Variants in HMGA2 observed in about 807,000 individuals in gnomAD.
The protein encoded by HMGA2 is high mobility group AT-hook 2, also known as high mobility group protein HMGI-C.
HMGA2 carries 8 observed loss-of-function variants against 19.1 expected under a neutral mutation model. The observed-to-expected ratio is 0.42, with a 90% CI of 0.25 to 0.76. HMGA2 has a LOEUF of 0.76. Among genes scored for constraint, HMGA2 ranks in the 30% least tolerant of loss-of-function variants. The pLI is 0.28. For missense variants in HMGA2, 109 were observed against 136.3 expected, an observed-to-expected ratio of 0.80 and a Z score of 1.00; for synonymous variants, 60 against 48.8, an observed-to-expected ratio of 1.23 and a Z score of -0.96.
At chr12:65,931,210 A>T (rs1875697398) in intron 3 of HMGA2, among the ~76,000 whole-genome samples, 1 of 152,114 alleles carries the variant, frequency 6.6e-6, no homozygotes, top group Admixed American at 6.6e-5. Flanking sequence ...TAACCCACAT[A>T]TTTCATGAAA....
intron 3 of HMGA2, chr12:65,881,233 C>T: frequency 6.3e-6 from 1 of 159,002 alleles, no homozygotes; most frequent in South Asian, 1.8e-4. Flanking sequence ...CATCTGTGCC[C>T]CTACCTCAGC....
intron 3 of HMGA2, among the ~76,000 whole-genome samples, chr12:65,868,463 G>GC (rs1872547634): frequency 6.6e-6 from 1 of 152,072 alleles, no homozygotes; most frequent in East Asian, 1.9e-4. Context: ...TCGTGGAGGA[G>GC]TCAGATTACT....
At chr12:65,963,189 G>C in intron 4 of HMGA2, 56 bp from the exon 5 acceptor site, 2 of 1,544,088 alleles carry the variant, frequency 1.3e-6, no homozygotes, top group Non-Finnish European at 1.8e-6. Flanking sequence ...GTTGGCAAGA[G>C]CAGCCCACAC....
At chr12:65,842,561 A>C (rs1051468351) in intron 3 of HMGA2, 1 of 1,469,918 alleles carries the variant, frequency 6.8e-7, no homozygotes, top group African/African-American at 1.4e-5. Flanking sequence ...AATAATACTA[A>C]AGAACATTTT....
chr12:65,946,703 A>G (rs1158333841), intron 3 of HMGA2, among the ~76,000 whole-genome samples: 2 of 152,244 alleles, frequency 1.3e-5, no homozygotes, highest in African/African-American at 4.8e-5. Flanking sequence ...TATTCTTAGG[A>G]GGGCTGAGGA....
At chr12:65,827,977 C>T (rs777284738) in intron 1 of HMGA2, 24 bp from the exon 2 acceptor site, 2 of 1,504,526 alleles carry the variant, frequency 1.3e-6, no homozygotes, top group Non-Finnish European at 1.9e-6. Context: ...GCCACAACAG[C>T]ATTTTTTTTT....
intron 3 of HMGA2, among the ~76,000 whole-genome samples, chr12:65,878,107 A>G (rs539727031): frequency 1.1e-4 from 17 of 152,210 alleles, no homozygotes; most frequent in Non-Finnish European, 2.5e-4. Flanking sequence ...GTAATAATAA[A>G]TCATTTTACC....
At chr12:65,884,105 A>T (rs1329338774) in intron 3 of HMGA2, among the ~76,000 whole-genome samples, 2 of 152,164 alleles carry the variant, frequency 1.3e-5, no homozygotes, top group East Asian at 1.9e-4. Context: ...ACCTCAAGTG[A>T]TCCACCCACC....
At chr12:65,838,409 G>T (rs1416891127) in intron 2 of HMGA2, 110 bp from the exon 3 acceptor site, 4 of 702,318 alleles carry the variant, frequency 5.7e-6, no homozygotes, top group South Asian at 1.8e-5. Flanking sequence ...AAAAAAAACC[G>T]ATACGTCATC....
chr12:65,837,453 C>T (rs967556972), intron 2 of HMGA2, among the ~76,000 whole-genome samples: 6 of 152,176 alleles, frequency 3.9e-5, no homozygotes, highest in Admixed American at 2.0e-4. Flanking sequence ...GTACCCCCAC[C>T]GGCTGCTAAC....
At chr12:65,881,982 C>CA in intron 3 of HMGA2, 1 of 695,736 alleles carries the variant, frequency 1.4e-6, no homozygotes, top group Non-Finnish European at 2.6e-6. Context: ...TGAACGTCTC[C>CA]ATCTCCTGTC....
intron 3 of HMGA2, among the ~76,000 whole-genome samples, chr12:65,843,705 C>T (rs550128256): frequency 2.0e-5 from 3 of 152,182 alleles, no homozygotes; most frequent in Admixed American, 2.0e-4. Context: ...CACAAGCACA[C>T]ACACACACAC....
In HMGA2 at chr12:65,961,715, C is replaced by T. The variant is rs151034145; in HGVS notation, c.283-1530C>T. 9.2e-5 allele frequency among the ~76,000 whole-genome samples: 14 copies of T among 151,870 alleles called. No homozygotes were observed. In the East Asian group the frequency reaches 2.7e-3, roughly 29 times the overall value. On this transcript the variant is annotated intron_variant, in intron 4 of 4. Transcript: ENST00000403681. ...GCAAAGGGTTTGAAGTATGCAGTGG[C>T]CTGTGATTAAAGCCCAGGATAGAGT...
At chr12:65,953,357 G>T (rs1480079457) in intron 4 of HMGA2, 1 of 152,160 alleles carries the variant, frequency 6.6e-6, no homozygotes, top group African/African-American at 2.4e-5. Context: ...TTATCAAGGG[G>T]ATGATAAGAC....
At chr12:65,891,509 T>C (rs1401311391) in intron 3 of HMGA2, among the ~76,000 whole-genome samples, 2 of 152,222 alleles carry the variant, frequency 1.3e-5, no homozygotes, top group African/African-American at 2.4e-5. Flanking sequence ...GTCATGGCTG[T>C]GGAAGATTGG....
At chr12:65,885,617 A>G (rs1026270474) in intron 3 of HMGA2, among the ~76,000 whole-genome samples, 1 of 152,186 alleles carries the variant, frequency 6.6e-6, no homozygotes, top group Non-Finnish European at 1.5e-5. Flanking sequence ...AACAAATAAC[A>G]TGTTGGAAAA....
At chr12:65,892,169 T>C (rs915058911) in intron 3 of HMGA2, among the ~76,000 whole-genome samples, 1 of 152,142 alleles carries the variant, frequency 6.6e-6, no homozygotes, top group Non-Finnish European at 1.5e-5. Flanking sequence ...ATGAAAGAAT[T>C]TGGCAAGGAG....
intron 3 of HMGA2, among the ~76,000 whole-genome samples, chr12:65,895,574 C>T (rs1052739410): frequency 1.3e-5 from 2 of 151,968 alleles, no homozygotes; most frequent in African/African-American, 4.8e-5. Context: ...TCTGGTAGAC[C>T]CCGGCTCTTG....
intron 3 of HMGA2, chr12:65,851,647 G>A (rs771003560): frequency 1.6e-5 from 7 of 443,764 alleles, no homozygotes; most frequent in South Asian, 3.2e-5. Flanking sequence ...GCAACAAAGC[G>A]AGACTCTGTC....
Sources: gnomAD v4.1 joint callset for allele counts (sites outside exome capture counted in the v4.1 genomes callset) on GRCh38, gnomAD v4.1.1 for gene constraint, MANE v1.5 for transcripts, NCBI Gene and HGNC (gene_info 2026-07-23, HGNC 2026-07-21) for gene names.